The following FKBP7 variants were observed in gnomAD, a reference collection of about 807,000 sequenced individuals.
FKBP7 encodes peptidyl-prolyl cis-trans isomerase FKBP7.
A neutral mutation model predicts 24.3 loss-of-function variants in FKBP7; 24 were observed. The ratio of observed to expected loss-of-function variants is 0.99; its 90% CI spans 0.72 to 1.39. FKBP7 has a LOEUF of 1.39. Among genes scored for constraint, FKBP7 ranks in the 40% most tolerant of loss-of-function variants. The probability of loss-of-function intolerance (pLI) is 0.00; values close to 1 mark genes in which losing one functional copy is unlikely to be tolerated. For synonymous variants in FKBP7, 98 were observed against 92.8 expected, an observed-to-expected ratio of 1.06 and a Z score of -0.32; for missense variants, 257 against 269.5, an observed-to-expected ratio of 0.95 and a Z score of 0.33.
chr2:178,471,499 C>T (rs942668881), intron 2 of FKBP7, among the ~76,000 whole-genome samples: 34 of 152,300 alleles, frequency 2.2e-4, no homozygotes, highest in Admixed American at 2.0e-3. Flanking sequence ...AGGCGTGAGT[C>T]ACCGTGCCAG....
At position 178,478,595 on chromosome 2, in the gene FKBP7, C is replaced by T. The variant is rs1685084052; in HGVS notation, c.-96G>A. The T allele has an allele frequency of 5.1e-6, 8 of 1,555,190 alleles. No homozygotes were observed. The highest frequency in any genetic ancestry group is 6.0e-6 in the Non-Finnish European group (7 of 1,158,466). On this transcript the variant is annotated 5_prime_UTR_variant, in exon 1 of 4. Coordinates refer to ENST00000424785, the MANE Select transcript of FKBP7 (RefSeq NM_181342.3). ...CCGACGCGTGGCAGGCGTTGTCCTG[C>T]GTCACAAAGGGCCGGGGCGGGGCCA...
chr2:178,466,170 G>A (rs924192725), intron 3 of FKBP7, among the ~76,000 whole-genome samples: 21 of 152,056 alleles, frequency 1.4e-4, no homozygotes, highest in Non-Finnish European at 1.8e-4. Context: ...GTACATACTC[G>A]AAGATTAATA....
chr2:178,465,645 A>G lies in FKBP7; in HGVS notation c.*125T>C. ...ACATTTATTATACCAAAATCAATGT[A>G]TTGGGGAGATCAAAATATCTTCTCA... On this transcript the variant is annotated 3_prime_UTR_variant, in exon 4 of 4. Coordinates refer to ENST00000424785, the MANE Select transcript of FKBP7 (RefSeq NM_181342.3). 1 of 869,842 alleles carries G rather than the reference A, an allele frequency of 1.1e-6. No individual in the cohort carries two copies. The highest frequency in any genetic ancestry group is 1.6e-6 in the Non-Finnish European group (1 of 606,758). 53.9% of individuals were successfully genotyped at this position (869,842 alleles called of 1,614,324 possible).
chr2:178,466,945 T>C (rs1684679980), intron 3 of FKBP7, among the ~76,000 whole-genome samples: 2 of 152,170 alleles, frequency 1.3e-5, no homozygotes, highest in Non-Finnish European at 2.9e-5. Flanking sequence ...GGTCAACCCA[T>C]TGCAAGTTGA....
intron 2 of FKBP7, among the ~76,000 whole-genome samples, chr2:178,472,604 G>T (rs564247056): frequency 1.3e-5 from 2 of 151,680 alleles, no homozygotes; most frequent in South Asian, 4.2e-4. Flanking sequence ...ATACCACTGC[G>T]CCTGGCCAGG....
At chr2:178,469,258 T>C (rs1287156979) in intron 3 of FKBP7, among the ~76,000 whole-genome samples, 5 of 152,226 alleles carry the variant, frequency 3.3e-5, no homozygotes, top group Non-Finnish European at 7.3e-5. Flanking sequence ...TTACCAACTT[T>C]CTAGCCCACT....
chr2:178,469,843 T>A, intron 2 of FKBP7, 58 bp from the exon 3 acceptor site: 1 of 1,387,122 alleles, frequency 7.2e-7, no homozygotes, highest in Non-Finnish European at 1.0e-6. Context: ...AAATATCTAT[T>A]CATGAACTGC....
Position 178,465,317 on chromosome 2 carries a change from A to T in FKBP7, c.*453T>A, listed in dbSNP as rs1449972691. ...ATTTTTATATCGTCTTCATAATGTT[A>T]TAAAAATGTATAAACAAGTGAAATG... is the stretch of plus-strand genomic sequence containing the variant. On this transcript the variant is annotated 3_prime_UTR_variant, in exon 4 of 4. Transcript: ENST00000424785. The T allele has an allele frequency of 6.6e-6, 1 of 152,330 alleles. No homozygotes were observed. The highest frequency in any genetic ancestry group is 2.4e-5 in the African/African-American group (1 of 41,460). The allele number at this position is 152,330 out of a possible 1,614,324, so 9.4% of individuals were successfully genotyped here. A position where few individuals can be genotyped will look rare whatever the true frequency, so the allele number is the denominator to read the frequency against.
chr2:178,473,189 T>C (rs1438476510), intron 2 of FKBP7: 4 of 779,982 alleles, frequency 5.1e-6, no homozygotes, highest in Non-Finnish European at 7.8e-6. Context: ...ACAACTTACT[T>C]TTAAATGCTT....
At position 178,478,576 on chromosome 2, in the gene FKBP7, C is replaced by A; in HGVS notation, c.-77G>T. 6.3e-7 allele frequency: 1 copy of A among 1,583,678 alleles called. No homozygotes were observed. On this transcript the variant is annotated 5_prime_UTR_variant, in exon 1 of 4. Transcript: ENST00000424785. ...GATGTCCCGCGGCCGAGTTCCGACG[C>A]GTGGCAGGCGTTGTCCTGCGTCACA...
intron 2 of FKBP7, 25 bp from the exon 3 acceptor site, chr2:178,469,810 T>TA: frequency 6.3e-7 from 1 of 1,595,020 alleles, no homozygotes. Flanking sequence ...TTTAACAGTT[T>TA]AACTTATGTA....
chr2:178,476,289 T>C (rs904315707), intron 2 of FKBP7, among the ~76,000 whole-genome samples: 2 of 152,234 alleles, frequency 1.3e-5, no homozygotes, highest in African/African-American at 4.8e-5. Context: ...CTTAAGGTCA[T>C]TGGGCTTTAC....
chr2:178,476,202 G>C (rs1684993147), intron 2 of FKBP7, among the ~76,000 whole-genome samples: 2 of 152,108 alleles, frequency 1.3e-5, no homozygotes, highest in East Asian at 3.8e-4. Flanking sequence ...AAAGAACTCT[G>C]GCCAGAGATC....
At chr2:178,466,922 A>ATACATATCCCAGGGTCAACCCATTG (rs1684678950) in intron 3 of FKBP7, among the ~76,000 whole-genome samples, 1 of 152,176 alleles carries the variant, frequency 6.6e-6, no homozygotes, top group Non-Finnish European at 1.5e-5. Flanking sequence ...GTTTTTAGCA[A>ATACATATCCCAGGGTCAACCCATTG]TACATATCCC....
At chr2:178,475,959 C>T (rs1684987245) in intron 2 of FKBP7, among the ~76,000 whole-genome samples, 1 of 152,208 alleles carries the variant, frequency 6.6e-6, no homozygotes, top group Admixed American at 6.5e-5. Context: ...TAATGACTGA[C>T]AGCCCATTAT....
At position 178,465,772 on chromosome 2, in the gene FKBP7, A is replaced by G. The variant is rs1455109407; in HGVS notation, c.667T>C (p.Ter223GlnextTer10). The G allele has an allele frequency of 1.3e-6, 2 of 1,574,384 alleles. No individual in the cohort carries two copies. Among genetic ancestry groups the G allele is most frequent in the Non-Finnish European group, 1.7e-6 (2 of 1,165,458 alleles). ...AAAAAAGTAGAAATACAAATATGCT[A>G]TAGTTCATCGTGTTGGTATACATTG... ...EYNVYQHDEL[*>Q] is the part of the protein sequence containing the mutation. The change falls in exon 4 of 4, where the codon TAG (stop) becomes CAG (glutamine). Residue 223 changes from the stop codon to glutamine, a stop_lost. Transcript: ENST00000424785.
intron 3 of FKBP7, among the ~76,000 whole-genome samples, chr2:178,466,577 GAT>G (rs1441252195): frequency 2.0e-5 from 3 of 151,954 alleles, no homozygotes; most frequent in African/African-American, 7.2e-5. Context: ...ATCAAAATGA[GAT>G]ATGTTACTAT....
At position 178,465,803 on chromosome 2, in the gene FKBP7, C is replaced by A. The variant is rs770620927; in HGVS notation, c.636G>T (p.Lys212Asn). Residue 212 changes from lysine (K) to asparagine (N), a missense_variant, in exon 4 of 4, where the codon AAG becomes AAT. By Grantham distance (94) the Lys-to-Asn change is moderately conservative. Coordinates refer to ENST00000424785, the MANE Select transcript of FKBP7 (RefSeq NM_181342.3). ...DHDGDGFISP[K>N]EYNVYQHDEL ...CATCGTGTTGGTATACATTGTATTC[C>A]TTGGGAGAAATGAAGCCATCACCAT... is the stretch of plus-strand genomic sequence containing the variant. 1 of 1,608,044 alleles carries A rather than the reference C, an allele frequency of 6.2e-7. No individual in the cohort carries two copies.
chr2:178,470,072 ATTAAT>A (rs1192951395), intron 2 of FKBP7, among the ~76,000 whole-genome samples: 2 of 151,704 alleles, frequency 1.3e-5, no homozygotes, highest in African/African-American at 2.4e-5. Flanking sequence ...CTATTTCTTG[ATTAAT>A]TTAAGTAAAA....
Sources: gnomAD v4.1 joint callset for allele counts (sites outside exome capture counted in the v4.1 genomes callset) on GRCh38, gnomAD v4.1.1 for gene constraint, MANE v1.5 for transcripts, NCBI Gene and HGNC (gene_info 2026-07-23, HGNC 2026-07-21) for gene names.